KLHL32: variants seen among roughly 807,000 people sequenced by gnomAD.
KLHL32 encodes kelch like family member 32.
KLHL32 carries 35 observed loss-of-function variants against 64.8 expected under a neutral mutation model. The observed-to-expected ratio is 0.54, with a 90% confidence interval of 0.41 to 0.72. The LOEUF is 0.72. KLHL32 is among the 30% of genes least tolerant of loss of function. The pLI, the probability that KLHL32 is intolerant of heterozygous loss-of-function variation, is 0.00. For missense variants in KLHL32, 589 were observed against 768.5 expected (o/e 0.77, Z 2.76); for synonymous variants, 259 against 281.0 (o/e 0.92, Z 0.78).
chr6:97,090,036 T>C (rs73758106), intron 6 of KLHL32, among the ~76,000 whole-genome samples: 6,128 of 152,152 alleles, frequency 0.04, 418 homozygotes, highest in African/African-American at 0.14. Context: ...AGAGGGACCA[T>C]GTCACCTGAT....
intron 4 of KLHL32, among the ~76,000 whole-genome samples, chr6:97,061,018 T>A (rs1045376495): frequency 6.6e-6 from 1 of 152,092 alleles, no homozygotes. Context: ...TGAGATGTGA[T>A]CATCTCATTA....
In KLHL32 at chr6:97,139,360, A is replaced by G. The variant is rs1172721500; in HGVS notation, c.*78A>G. On this transcript the variant is annotated 3_prime_UTR_variant, in exon 11 of 11. Transcript: ENST00000369261. ...TGGGCATGAAAAGACTCAGTGCTCC[A>G]TGCTTCCTTGTCTTGCTTTATAGGT... 1 of 1,256,416 alleles carries G rather than the reference A, an allele frequency of 8.0e-7. No homozygotes were observed. Among genetic ancestry groups the G allele is most frequent in the African/African-American group, 1.5e-5 (1 of 66,170 alleles). The allele number at this position is 1,256,416 out of a possible 1,614,324, so 77.8% of individuals were successfully genotyped here.
At chr6:96,997,160 G>T (rs1004730946) in intron 3 of KLHL32, among the ~76,000 whole-genome samples, 12 of 152,126 alleles carry the variant, frequency 7.9e-5, no homozygotes, top group Non-Finnish European at 1.5e-4. Context: ...GAAAGAAGCT[G>T]TACCATTGAG....
At chr6:97,041,276 G>A (rs535021853) in intron 3 of KLHL32, among the ~76,000 whole-genome samples, 1 of 152,336 alleles carries the variant, frequency 6.6e-6, no homozygotes, top group African/African-American at 2.4e-5. Flanking sequence ...TGTATATGGT[G>A]AGGAATGCCA....
At chr6:97,055,809 A>C (rs1464853109) in intron 4 of KLHL32, among the ~76,000 whole-genome samples, 2 of 149,872 alleles carry the variant, frequency 1.3e-5, no homozygotes, top group African/African-American at 2.4e-5. Flanking sequence ...AAAAAAAAAA[A>C]AAAAAAAAAA....
chr6:96,904,339 C>CAAAAAAAAAAAAAAAAAAA, the KLHL32 span, among the ~76,000 whole-genome samples: 1 of 106,102 alleles, frequency 9.4e-6, no homozygotes. Context: ...AAGACTTTGT[C>CAAAAAAAAAAAAAAAAAAA]AAAAAAAAAA....
At chr6:96,917,206 TG>T in the KLHL32 span, among the ~76,000 whole-genome samples, 1 of 152,224 alleles carries the variant, frequency 6.6e-6, no homozygotes, top group Non-Finnish European at 1.5e-5. Flanking sequence ...AATTAAATGC[TG>T]GGAAGTATGC....
chr6:96,967,834 C>T (rs1178117349), intron 2 of KLHL32, among the ~76,000 whole-genome samples: 2 of 152,106 alleles, frequency 1.3e-5, no homozygotes, highest in Non-Finnish European at 2.9e-5. Flanking sequence ...AGGCTGTATA[C>T]CTGAGATTTG....
chr6:97,080,458 C>G (rs1477635750), intron 5 of KLHL32, among the ~76,000 whole-genome samples: 1 of 152,196 alleles, frequency 6.6e-6, no homozygotes, highest in African/African-American at 2.4e-5. Flanking sequence ...CAGGGACACA[C>G]AAGGCATGAG....
intron 3 of KLHL32, among the ~76,000 whole-genome samples, chr6:97,018,004 A>G (rs60521996): frequency 0.032 from 4,899 of 152,282 alleles, 236 homozygotes; most frequent in African/African-American, 0.11. Flanking sequence ...TTTATCTATT[A>G]TAAAACTGCC....
rs772535323 is a variant in KLHL32 at position 97,113,804 on chromosome 6, C to T, written c.649C>T (p.His217Tyr). 6.2e-7 allele frequency: 1 copy of T among 1,613,066 alleles called. No individual in the cohort carries two copies. The highest frequency in any genetic ancestry group is 2.2e-5 in the East Asian group (1 of 44,834). ...IWQLAVRWLE[H>Y]NCHYQYMDEL... is the part of the protein sequence containing the mutation. ...TCAGCTAGCTGTGAGGTGGTTGGAA[C>T]ACAACTGCCACTACCAGTACATGGA... Residue 217 changes from histidine to tyrosine, a missense_variant, in exon 7 of 11, where the codon CAC (histidine) becomes TAC (tyrosine). Around this residue, in one of 3 missense-constraint regions of KLHL32, gnomAD observed 226 missense variants for 353.2 expected, o/e 0.64. Coordinates refer to ENST00000369261, the MANE Select transcript of KLHL32 (RefSeq NM_052904.4).
intron 3 of KLHL32, among the ~76,000 whole-genome samples, chr6:97,007,777 T>C (rs1387412510): frequency 6.6e-6 from 1 of 152,204 alleles, no homozygotes; most frequent in Non-Finnish European, 1.5e-5. Flanking sequence ...ACTCCTGGAC[T>C]ATGTGCTCTA....
intron 3 of KLHL32, among the ~76,000 whole-genome samples, chr6:97,008,836 G>C (rs772511119): frequency 3.3e-5 from 5 of 152,096 alleles, no homozygotes; most frequent in African/African-American, 1.2e-4. Context: ...TCTGCTCAGA[G>C]AGTATTTCAT....
chr6:97,018,367 G>A (rs1781519777), intron 3 of KLHL32, among the ~76,000 whole-genome samples: 1 of 151,334 alleles, frequency 6.6e-6, no homozygotes, highest in South Asian at 2.1e-4. Context: ...CAGGCGGATC[G>A]CCTGAGGTCA....
chr6:97,049,284 C>A (rs1786445251), intron 4 of KLHL32, among the ~76,000 whole-genome samples: 1 of 152,096 alleles, frequency 6.6e-6, no homozygotes, highest in African/African-American at 2.4e-5. Flanking sequence ...TACCTTGGGG[C>A]CATTATTAAG....
chr6:96,964,497 C>G (rs529399765), intron 1 of KLHL32, among the ~76,000 whole-genome samples: 2 of 152,116 alleles, frequency 1.3e-5, no homozygotes, highest in Non-Finnish European at 2.9e-5. Context: ...ACTTAAAATA[C>G]AAAAAATTAG....
Position 96,967,077 on chromosome 6 carries a change from G to C in KLHL32, c.17G>C (p.Cys6Ser). 1 of 1,613,678 alleles carries C rather than the reference G, an allele frequency of 6.2e-7. No homozygotes were observed. The highest frequency in any genetic ancestry group is 8.5e-7 in the Non-Finnish European group (1 of 1,179,854). MPSER[C>S]LSIQEMLTGQ... ...AGCTGGAAAATGCCGTCTGAACGCT[G>C]CCTCAGGTATGCCCTGTAGGATATG... Residue 6 changes from cysteine to serine, a missense_variant, in exon 2 of 11, where the codon TGC (cysteine) becomes TCC (serine). This residue lies in a region of KLHL32 where 191 missense variants were observed against 223.3 expected (regional missense o/e 0.86). Coordinates refer to ENST00000369261, the MANE Select transcript of KLHL32 (RefSeq NM_052904.4).
intron 3 of KLHL32, among the ~76,000 whole-genome samples, chr6:97,025,671 A>G (rs1201489549): frequency 6.6e-5 from 10 of 152,224 alleles, no homozygotes; most frequent in African/African-American, 2.4e-4. Flanking sequence ...AGTCTTTCCA[A>G]CTTGAGAGGG....
At chr6:96,958,580 T>G (rs966646547) in intron 1 of KLHL32, among the ~76,000 whole-genome samples, 1 of 152,154 alleles carries the variant, frequency 6.6e-6, no homozygotes, top group African/African-American at 2.4e-5. Flanking sequence ...GGTACTAATT[T>G]AAGAAGTTTG....
Sources: gnomAD v4.1 joint callset for allele counts (sites outside exome capture counted in the v4.1 genomes callset) on GRCh38, gnomAD v4.1.1 for gene constraint, gnomAD v4.1.1 regional missense constraint, MANE v1.5 for transcripts, NCBI Gene and HGNC (gene_info 2026-07-23, HGNC 2026-07-21) for gene names.